C1D: variants seen among roughly 807,000 people sequenced by gnomAD.
C1D encodes the protein nuclear nucleic acid-binding protein C1D.
Under a neutral mutation model 17.5 loss-of-function variants are expected in C1D, and 10 were observed. The ratio of observed to expected loss-of-function variants is 0.57; its 90% CI spans 0.35 to 0.97. The LOEUF is 0.97. Ranked by LOEUF, C1D falls within the 50% of genes least tolerant of loss-of-function variation. The pLI, the probability that C1D is intolerant of heterozygous loss-of-function variation, is 0.01. For synonymous variants in C1D, 49 were observed against 54.0 expected (o/e 0.91, Z 0.40); for missense variants, 136 against 160.1 (o/e 0.85, Z 0.81).
rs535499318 is a variant in C1D at position 68,042,533 on chromosome 2, A to G, written c.*356T>C. On this transcript the variant is annotated 3_prime_UTR_variant, in exon 5 of 5. Transcript: ENST00000410067. Reference sequence around the variant, plus strand: ...TTTCAGCCTACAGATAGCATACTTCATAAGGTCATTATTCATTTAAAATAG... The same window carrying G: ...TTTCAGCCTACAGATAGCATACTTCGTAAGGTCATTATTCATTTAAAATAG... The G allele has an allele frequency of 6.0e-6, 1 of 165,542 alleles. No individual in the cohort carries two copies. The highest frequency in any genetic ancestry group is 1.5e-4 in the South Asian group (1 of 6,768). 10.3% of individuals were successfully genotyped at this position (165,542 alleles called of 1,614,324 possible).
At chr2:68,045,550 AGCTTTGTT>A (rs1671095543) in intron 4 of C1D, among the ~76,000 whole-genome samples, 1 of 152,168 alleles carries the variant, frequency 6.6e-6, no homozygotes, top group Admixed American at 6.5e-5. Context: ...AAAAGCTTTT[AGCTTTGTT>A]GCTGAACTGG....
intron 4 of C1D, among the ~76,000 whole-genome samples, chr2:68,044,972 C>T (rs1054801654): frequency 1.3e-4 from 20 of 151,976 alleles, no homozygotes; most frequent in African/African-American, 4.4e-4. Context: ...GGTTTAAAGC[C>T]GTATCACTGG....
At chr2:68,053,217 A>C (rs1254602781) in intron 1 of C1D, 1 of 1,548,054 alleles carries the variant, frequency 6.5e-7, no homozygotes, top group South Asian at 1.2e-5. Context: ...GCTGAGACTG[A>C]GTACCTGGGT....
At chr2:68,057,441 G>A (rs916948763) in intron 1 of C1D, among the ~76,000 whole-genome samples, 1 of 152,154 alleles carries the variant, frequency 6.6e-6, no homozygotes, top group Non-Finnish European at 1.5e-5. Flanking sequence ...AGAGGCGTGA[G>A]CCACCACGCC....
At chr2:68,062,400 G>T (rs932235652) in intron 1 of C1D, among the ~76,000 whole-genome samples, 23 of 152,106 alleles carry the variant, frequency 1.5e-4, no homozygotes, top group Non-Finnish European at 2.9e-5. Flanking sequence ...ACTTATCCGG[G>T]TCATCAAGAA....
At chr2:68,046,139 TACAA>T in intron 3 of C1D, 96 bp from the exon 4 acceptor site, 2 of 935,252 alleles carry the variant, frequency 2.1e-6, no homozygotes, top group Non-Finnish European at 1.6e-6. Context: ...AGGAAAGTCC[TACAA>T]ACAATTAAAC....
At chr2:68,044,213 C>A (rs898632621) in intron 4 of C1D, among the ~76,000 whole-genome samples, 17 of 152,140 alleles carry the variant, frequency 1.1e-4, no homozygotes, top group African/African-American at 4.1e-4. Context: ...TATTTGTCTC[C>A]CTCCATTAGA....
intron 1 of C1D, among the ~76,000 whole-genome samples, chr2:68,048,141 T>C (rs1233759354): frequency 2.0e-5 from 3 of 152,092 alleles, no homozygotes; most frequent in Admixed American, 6.6e-5. Context: ...AAATAAACAA[T>C]ATGGTTTTCA....
chr2:68,047,477 A>T (rs74441793), intron 1 of C1D, among the ~76,000 whole-genome samples, 158 bp from the exon 2 acceptor site: 559 of 152,352 alleles, frequency 3.7e-3, no homozygotes, highest in African/African-American at 0.012. Context: ...GATTAACTAC[A>T]TTCCAATTTG....
intron 1 of C1D, among the ~76,000 whole-genome samples, chr2:68,052,100 TAAAG>T (rs759900576): frequency 6.6e-6 from 1 of 151,812 alleles, no homozygotes; most frequent in Non-Finnish European, 1.5e-5. Flanking sequence ...CTTCTAAAAA[TAAAG>T]AAGTAAATCT....
chr2:68,045,868 G>T, intron 4 of C1D, 120 bp downstream of exon 4: 2 of 678,794 alleles, frequency 2.9e-6, no homozygotes, highest in East Asian at 3.2e-5. Flanking sequence ...ATAAGGTCTG[G>T]CTCACTTTCA....
chr2:68,058,887 G>C (rs1000714733), intron 1 of C1D, among the ~76,000 whole-genome samples: 17 of 152,318 alleles, frequency 1.1e-4, no homozygotes, highest in African/African-American at 4.1e-4. Context: ...AGAGGAAAGA[G>C]GACTGACAAA....
At chr2:68,058,972 C>G (rs1353016352) in intron 1 of C1D, among the ~76,000 whole-genome samples, 2 of 152,178 alleles carry the variant, frequency 1.3e-5, no homozygotes, top group Non-Finnish European at 2.9e-5. Flanking sequence ...AGTCCTTTCC[C>G]TCTACTTGGA....
chr2:68,045,983 C>T lies in C1D; in HGVS notation c.261+5G>A, dbSNP rs1465723977. The T allele has an allele frequency of 6.4e-7, 1 of 1,571,838 alleles. No individual in the cohort carries two copies. Among genetic ancestry groups the T allele is most frequent in the Non-Finnish European group, 8.7e-7 (1 of 1,154,270 alleles). On this transcript the variant is annotated splice_donor_5th_base_variant and intron_variant, in intron 4 of 4. Coordinates refer to ENST00000410067, the MANE Select transcript of C1D (RefSeq NM_173177.3). ...ACATAAAATAAAAAGAAATTAAAAT[C>T]TTACCAATTCCTGTTTTACTGGATG...
chr2:68,051,797 C>G (rs1671290524), intron 1 of C1D, among the ~76,000 whole-genome samples: 1 of 152,012 alleles, frequency 6.6e-6, no homozygotes, highest in South Asian at 2.1e-4. Flanking sequence ...ATTGGTATCT[C>G]ACTCTTAACC....
intron 1 of C1D, among the ~76,000 whole-genome samples, chr2:68,052,047 T>C (rs1365203420): frequency 1.3e-5 from 2 of 152,048 alleles, no homozygotes; most frequent in Non-Finnish European, 2.9e-5. Flanking sequence ...AGGGAAACAG[T>C]TAAATGAATT....
At chr2:68,061,588 A>G (rs1671628330) in intron 1 of C1D, among the ~76,000 whole-genome samples, 1 of 152,234 alleles carries the variant, frequency 6.6e-6, no homozygotes, top group Admixed American at 6.5e-5. Flanking sequence ...TTTCTGAAAT[A>G]AGAGTATATA....
intron 4 of C1D, 137 bp from the exon 5 acceptor site, chr2:68,043,190 A>G: frequency 1.6e-6 from 1 of 616,772 alleles, no homozygotes; most frequent in Non-Finnish European, 2.7e-6. Context: ...AGGAAATGCA[A>G]ATGAATAGGA....
chr2:68,045,584 G>C (rs149952294), intron 4 of C1D, among the ~76,000 whole-genome samples: 172 of 152,070 alleles, frequency 1.1e-3, no homozygotes, highest in Non-Finnish European at 2.0e-3. Flanking sequence ...TTACTGCTGA[G>C]AAAATGAATT....
Sources: allele counts gnomAD v4.1 joint callset (sites outside exome capture counted in the v4.1 genomes callset), GRCh38; gene constraint gnomAD v4.1.1; transcripts MANE v1.5; gene names NCBI Gene and HGNC (gene_info 2026-07-23, HGNC 2026-07-21).